Variants in LUZP1 observed in about 807,000 individuals in gnomAD.
LUZP1 encodes the protein leucine zipper protein 1, also known as filamin mechanobinding actin cross-linking protein.
In LUZP1, 25 loss-of-function variants were observed where a neutral mutation model predicts 71.3. That is an observed-to-expected ratio of 0.35 (90% CI 0.26 to 0.49). LUZP1 has a LOEUF of 0.49. Ranked by LOEUF, LUZP1 falls within the 20% of genes least tolerant of loss-of-function variation. LUZP1 has a pLI of 0.99. For synonymous variants in LUZP1, 481 were observed against 506.4 expected, an observed-to-expected ratio of 0.95 and a Z score of 0.67; for missense variants, 1,142 against 1,300.8, an observed-to-expected ratio of 0.88 and a Z score of 1.88.
In LUZP1 at chr1:23,119,397, A is replaced by G. The variant is rs1438896629; in HGVS notation, c.-225-10270T>C. 4.0e-5 allele frequency among the ~76,000 whole-genome samples: 6 copies of G among 151,690 alleles called. No homozygotes were observed. In the East Asian group the frequency reaches 7.7e-4, roughly 20 times the overall value. Reference sequence around the variant, plus strand: ...CCTCAGCCTCCTGATTAGCTAGGACATAACTGAAAGTGAAAGCAAGTATGA... The same window carrying G: ...CCTCAGCCTCCTGATTAGCTAGGACGTAACTGAAAGTGAAAGCAAGTATGA... On this transcript the variant is annotated intron_variant, in intron 2 of 4. Transcript: ENST00000302291.
intron 2 of LUZP1, among the ~76,000 whole-genome samples, chr1:23,137,643 A>G (rs74714557): frequency 1.3e-5 from 2 of 150,794 alleles, no homozygotes; most frequent in African/African-American, 2.4e-5. Flanking sequence ...CTCCATCTCA[A>G]AAAAAAAAAT....
intron 2 of LUZP1, among the ~76,000 whole-genome samples, chr1:23,134,537 G>A (rs1644238760): frequency 6.6e-6 from 1 of 152,018 alleles, no homozygotes; most frequent in African/African-American, 2.4e-5. Flanking sequence ...CCAGCACTTT[G>A]GGAGATCGAG....
chr1:23,096,908 G>T (rs1643895376), intron 3 of LUZP1, among the ~76,000 whole-genome samples: 2 of 152,196 alleles, frequency 1.3e-5, no homozygotes, highest in Non-Finnish European at 2.9e-5. Context: ...ACGGGACGGA[G>T]GCTGCAGTGA....
chr1:23,091,913 G>A (rs745817602), exon 4 of LUZP1: 35 of 1,613,978 alleles, frequency 2.2e-5, no homozygotes, highest in East Asian at 8.9e-5. Flanking sequence ...GTTTGGAGAC[G>A]GGTTTCTGTT....
chr1:23,129,512 C>T (rs921688429), intron 2 of LUZP1, among the ~76,000 whole-genome samples: 3 of 152,074 alleles, frequency 2.0e-5, no homozygotes, highest in Non-Finnish European at 2.9e-5. Flanking sequence ...ACCGGGGAGG[C>T]GGAGGTTGCG....
At chr1:23,112,308 T>A (rs1010539527) in intron 2 of LUZP1, among the ~76,000 whole-genome samples, 2 of 152,142 alleles carry the variant, frequency 1.3e-5, no homozygotes, top group African/African-American at 4.8e-5. Flanking sequence ...CCCTCAAGCA[T>A]CTCTTCTGGC....
At chr1:23,154,709 A>ATTTTTTTTTTTTT (rs1191570803) in intron 2 of LUZP1, among the ~76,000 whole-genome samples, 4 of 125,632 alleles carry the variant, frequency 3.2e-5, no homozygotes, top group African/African-American at 9.4e-5. Context: ...CACCTGGCTA[A>ATTTTTTTTTTTTT]TTTTTTTTTT....
chr1:23,121,728 T>C (rs534105235), intron 2 of LUZP1, among the ~76,000 whole-genome samples: 7 of 152,038 alleles, frequency 4.6e-5, no homozygotes, highest in African/African-American at 1.7e-4. Context: ...CATTAAAAAG[T>C]AGTCTGGGCA....
At chr1:23,092,130 G>A (rs1449073608) in exon 4 of LUZP1, 1 of 1,614,154 alleles carries the variant, frequency 6.2e-7, no homozygotes, top group South Asian at 1.1e-5. Flanking sequence ...CTCCATTCCA[G>A]CATCTTTATC....
intron 2 of LUZP1, among the ~76,000 whole-genome samples, chr1:23,161,496 A>G (rs887606796): frequency 2.6e-5 from 4 of 152,210 alleles, no homozygotes; most frequent in African/African-American, 7.2e-5. Flanking sequence ...CCAGTGGCTC[A>G]TGCCTGTAAT....
At chr1:23,167,979 C>T (rs1397575952) in intron 2 of LUZP1, among the ~76,000 whole-genome samples, 1 of 151,622 alleles carries the variant, frequency 6.6e-6, no homozygotes, top group East Asian at 1.9e-4. Flanking sequence ...CCCCGCTCGC[C>T]GGCGTCCCCC....
At chr1:23,142,480 G>A (rs1361529896) in intron 2 of LUZP1, among the ~76,000 whole-genome samples, 1 of 151,972 alleles carries the variant, frequency 6.6e-6, no homozygotes, top group African/African-American at 2.4e-5. Flanking sequence ...TTTGATCACT[G>A]AGGAAGGAGC....
chr1:23,098,971 C>A (rs1332190918), intron 3 of LUZP1, among the ~76,000 whole-genome samples: 1 of 152,182 alleles, frequency 6.6e-6, no homozygotes, highest in Non-Finnish European at 1.5e-5. Context: ...ACCAAGCCTT[C>A]CGCTTCCATT....
intron 2 of LUZP1, among the ~76,000 whole-genome samples, chr1:23,146,030 A>G (rs943554485): frequency 6.6e-6 from 1 of 152,058 alleles, no homozygotes; most frequent in Non-Finnish European, 1.5e-5. Flanking sequence ...CACCATCGTA[A>G]CACCACCATC....
At chr1:23,087,473 G>A (rs1009520250) in exon 5 of LUZP1, 2 of 152,436 alleles carry the variant, frequency 1.3e-5, no homozygotes, top group African/African-American at 4.8e-5. Flanking sequence ...GAGGCTCCAA[G>A]AAGACAATGA....
chr1:23,101,640 A>C (rs1643932316), intron 3 of LUZP1, among the ~76,000 whole-genome samples: 1 of 152,234 alleles, frequency 6.6e-6, no homozygotes, highest in South Asian at 2.1e-4. Context: ...GTGATTCACT[A>C]AGATCATCCC....
intron 2 of LUZP1, among the ~76,000 whole-genome samples, chr1:23,128,227 AC>A (rs79377317): frequency 1.2e-4 from 18 of 151,950 alleles, no homozygotes; most frequent in South Asian, 6.3e-4. Flanking sequence ...TAAAAAAAAA[AC>A]AAACTGGGTT....
exon 3 of LUZP1, chr1:23,109,026 T>C (rs1327202512): frequency 6.6e-6 from 1 of 152,216 alleles, no homozygotes; most frequent in Non-Finnish European, 1.5e-5. Context: ...ACTTACCATG[T>C]AGGTAATTCA....
chr1:23,095,059 G>T (rs1011039077), intron 3 of LUZP1, among the ~76,000 whole-genome samples: 2 of 152,148 alleles, frequency 1.3e-5, no homozygotes, highest in African/African-American at 4.8e-5. Flanking sequence ...ATATCCTTTT[G>T]CACTGTAAAA....
Sources: gnomAD v4.1 joint callset for allele counts (sites outside exome capture counted in the v4.1 genomes callset) on GRCh38, gnomAD v4.1.1 for gene constraint, MANE v1.5 for transcripts, NCBI Gene and HGNC (gene_info 2026-07-23, HGNC 2026-07-21) for gene names.